Variants in LDB2 observed in about 807,000 individuals in gnomAD.
LDB2 encodes LIM domain-binding protein 2.
Under a neutral mutation model 44.3 loss-of-function variants are expected in LDB2, and 12 were observed. The observed-to-expected ratio is 0.27, with a 90% CI of 0.17 to 0.44. The LOEUF is 0.44. LDB2 is among the 20% of genes least tolerant of loss of function. LDB2 has a pLI of 1.00. For missense variants in LDB2, 344 were observed against 473.5 expected (o/e 0.73, Z 2.54); for synonymous variants, 164 against 174.8 (o/e 0.94, Z 0.49).
intron 5 of LDB2, among the ~76,000 whole-genome samples, chr4:16,548,683 A>G (rs1736618177): frequency 6.6e-6 from 1 of 152,264 alleles, no homozygotes; most frequent in African/African-American, 2.4e-5. Flanking sequence ...GGTAAGCCGG[A>G]AAAAGAATCT....
At chr4:16,693,164 C>T (rs1751201994) in intron 2 of LDB2, among the ~76,000 whole-genome samples, 1 of 152,066 alleles carries the variant, frequency 6.6e-6, no homozygotes, top group African/African-American at 2.4e-5. Flanking sequence ...GAGTGAGTCT[C>T]TAAGAATACA....
rs542723660 is a variant in LDB2, at chr4:16,733,087, G to C, written c.235+26071C>G. Among the ~76,000 whole-genome samples the C allele has an allele frequency of 3.3e-5, 5 of 152,292 alleles. 1 individual carries two copies. Among genetic ancestry groups the C allele is most frequent in the African/African-American group, 1.2e-4 (5 of 41,560 alleles). On this transcript the variant is annotated intron_variant, in intron 2 of 7. Coordinates refer to ENST00000304523, the MANE Select transcript of LDB2 (RefSeq NM_001290.5). Reference sequence around the variant, plus strand: ...ACAAAAAGAATAAAGCTGTGAAGTAGAACAAGCTCCGCACTCAGGCGCCTT... The same window carrying C: ...ACAAAAAGAATAAAGCTGTGAAGTACAACAAGCTCCGCACTCAGGCGCCTT...
chr4:16,878,022 AAATC>A (rs1025088161), intron 1 of LDB2, among the ~76,000 whole-genome samples: 1 of 152,192 alleles, frequency 6.6e-6, no homozygotes, highest in Non-Finnish European at 1.5e-5. Context: ...AGAATAAACT[AAATC>A]AATCTATGAT....
Position 16,791,438 on chromosome 4 carries a change from C to T in LDB2, c.133-32178G>A, listed in dbSNP as rs1232729873. On this transcript the variant is annotated intron_variant, in intron 1 of 7. Coordinates refer to ENST00000304523, the MANE Select transcript of LDB2 (RefSeq NM_001290.5). Reference sequence around the variant, plus strand: ...GGCATGGTCGTGAGCACCTGTAATCCCAGCTACTCGGGAGGCTGAGGCAGG... The same window carrying T: ...GGCATGGTCGTGAGCACCTGTAATCTCAGCTACTCGGGAGGCTGAGGCAGG... Among the ~76,000 whole-genome samples the T allele has an allele frequency of 3.3e-5, 5 of 150,944 alleles. No homozygotes were observed. In the Admixed American group the frequency reaches 3.3e-4, roughly 10 times the overall value.
At chr4:16,536,330 T>A (rs1731849139) in intron 5 of LDB2, among the ~76,000 whole-genome samples, 1 of 152,098 alleles carries the variant, frequency 6.6e-6, no homozygotes, top group South Asian at 2.1e-4. Flanking sequence ...CACTCCTGCT[T>A]TATCGTAAAT....
chr4:16,554,404 C>G (rs1212477909), intron 5 of LDB2, among the ~76,000 whole-genome samples: 1 of 152,128 alleles, frequency 6.6e-6, no homozygotes, highest in East Asian at 1.9e-4. Context: ...CTGGGTGCCG[C>G]CATTTTAAGA....
chr4:16,708,824 C>T (rs1232126239), intron 2 of LDB2, among the ~76,000 whole-genome samples: 2 of 152,072 alleles, frequency 1.3e-5, no homozygotes, highest in African/African-American at 2.4e-5. Flanking sequence ...TCCCCCAACA[C>T]CTGCTTTTCT....
At chr4:16,545,078 G>A (rs1007850625) in intron 5 of LDB2, among the ~76,000 whole-genome samples, 3 of 152,074 alleles carry the variant, frequency 2.0e-5, no homozygotes, top group African/African-American at 7.2e-5. Flanking sequence ...ACCAGCTGTA[G>A]CAAAGAAAAG....
At position 16,505,934 on chromosome 4, in the gene LDB2, C is replaced by A. The variant is rs768419996; in HGVS notation, c.891+2601G>T. On this transcript the variant is annotated intron_variant, in intron 7 of 7. Transcript: ENST00000304523. ...GTCACTGCTGTTGAATGACACAGGTCTCCATCCCTCCCAGGGTTGAGGCTG... is the reference window on the plus strand; with the variant it reads ...GTCACTGCTGTTGAATGACACAGGTATCCATCCCTCCCAGGGTTGAGGCTG... 6 of 1,551,554 alleles carry A rather than the reference C, an allele frequency of 3.9e-6. No individual in the cohort carries two copies. In the South Asian group the frequency reaches 4.8e-5, roughly 12 times the overall value.
At chr4:16,885,567 G>A (rs1287239998) in intron 1 of LDB2, among the ~76,000 whole-genome samples, 5 of 152,084 alleles carry the variant, frequency 3.3e-5, no homozygotes, top group African/African-American at 4.8e-5. Context: ...AATTAAAGAC[G>A]TGTCCTTCAG....
At chr4:16,517,445 G>C (rs1724191140) in intron 5 of LDB2, among the ~76,000 whole-genome samples, 3 of 152,202 alleles carry the variant, frequency 2.0e-5, no homozygotes, top group Non-Finnish European at 4.4e-5. Context: ...AGTCAGGACA[G>C]CTACAAAGTG....
intron 2 of LDB2, among the ~76,000 whole-genome samples, chr4:16,703,765 G>A (rs1754004671): frequency 6.6e-6 from 1 of 152,140 alleles, no homozygotes. Flanking sequence ...TATTTTGGGT[G>A]CATTATCAAT....
At chr4:16,880,573 G>A (rs1478133971) in intron 1 of LDB2, among the ~76,000 whole-genome samples, 1 of 152,116 alleles carries the variant, frequency 6.6e-6, no homozygotes, top group African/African-American at 2.4e-5. Flanking sequence ...AAACCTCGGA[G>A]CCTACTACTT....
chr4:16,508,436 T>G, intron 7 of LDB2, 99 bp downstream of exon 7: 3 of 349,544 alleles, frequency 8.6e-6, no homozygotes, highest in Non-Finnish European at 1.3e-5. Context: ...CTGCCCAGGA[T>G]TTTTTTTTTT....
intron 2 of LDB2, among the ~76,000 whole-genome samples, chr4:16,614,676 C>T (rs1221599156): frequency 6.7e-6 from 1 of 148,496 alleles, no homozygotes; most frequent in African/African-American, 2.5e-5. Context: ...TACGTACCAA[C>T]AAACGTGATA....
At chr4:16,799,750 T>C (rs1368803680) in intron 1 of LDB2, among the ~76,000 whole-genome samples, 1 of 152,230 alleles carries the variant, frequency 6.6e-6, no homozygotes, top group Non-Finnish European at 1.5e-5. Context: ...ACTTGGCATA[T>C]AGTTAGGGTT....
intron 5 of LDB2, among the ~76,000 whole-genome samples, chr4:16,520,131 C>T (rs1284635391): frequency 2.6e-5 from 4 of 151,978 alleles, no homozygotes; most frequent in Non-Finnish European, 5.9e-5. Flanking sequence ...TTCACCCTCC[C>T]CTCCCCGCCG....
chr4:16,653,634 T>G (rs775925481), intron 2 of LDB2: 2 of 152,146 alleles, frequency 1.3e-5, no homozygotes, highest in Non-Finnish European at 2.9e-5. Context: ...AGAAAGATCT[T>G]CAGAGGAAAC....
chr4:16,736,141 C>T (rs967359774), intron 2 of LDB2, among the ~76,000 whole-genome samples: 3 of 152,196 alleles, frequency 2.0e-5, no homozygotes, highest in African/African-American at 7.2e-5. Flanking sequence ...TGAAGCTCAG[C>T]TCTGGGCAAG....
Sources: gnomAD v4.1 joint callset for allele counts (sites outside exome capture counted in the v4.1 genomes callset) on GRCh38, gnomAD v4.1.1 for gene constraint, MANE v1.5 for transcripts, NCBI Gene and HGNC (gene_info 2026-07-23, HGNC 2026-07-21) for gene names.